The following SNX32 variants were observed in gnomAD, a reference collection of about 807,000 sequenced individuals.
SNX32 encodes the protein sorting nexin 32, also known as sorting nexin-32.
SNX32 carries 58 observed loss-of-function variants against 57.0 expected under a neutral mutation model. The observed-to-expected ratio is 1.02, with a 90% confidence interval of 0.82 to 1.27. The LOEUF is 1.27. Among genes scored for constraint, SNX32 ranks in the 50% most tolerant of loss-of-function variants. SNX32 has a pLI of 0.00. For synonymous variants in SNX32, 262 were observed against 220.4 expected, an observed-to-expected ratio of 1.19 and a Z score of -1.67; for missense variants, 589 against 541.2, an observed-to-expected ratio of 1.09 and a Z score of -0.88.
In SNX32 at chr11:65,852,556, G is replaced by A. The variant is rs1185680849; in HGVS notation, c.912+5G>A. The A allele has an allele frequency of 1.9e-6, 3 of 1,614,208 alleles. No individual in the cohort carries two copies. Among genetic ancestry groups the A allele is most frequent in the Admixed American group, 3.3e-5 (2 of 60,030 alleles). On this transcript the variant is annotated splice_donor_5th_base_variant and intron_variant, in intron 10 of 12. Coordinates refer to ENST00000308342, the MANE Select transcript of SNX32 (RefSeq NM_152760.3). ...CGTGACTCACAGGCAGCCAAGGTGAGAGGCAGCCCCAGCGCAGCGCTCAGG... is the reference window on the plus strand; with the variant it reads ...CGTGACTCACAGGCAGCCAAGGTGAAAGGCAGCCCCAGCGCAGCGCTCAGG...
At chr11:65,847,978 A>G (rs1859048882) in intron 1 of SNX32, among the ~76,000 whole-genome samples, 1 of 152,154 alleles carries the variant, frequency 6.6e-6, no homozygotes, top group Admixed American at 6.5e-5. Flanking sequence ...CTCAGGGTCA[A>G]TTCCTTCATG....
chr11:65,840,295 C>G (rs1445485662), intron 1 of SNX32, among the ~76,000 whole-genome samples: 1 of 151,768 alleles, frequency 6.6e-6, no homozygotes, highest in Non-Finnish European at 1.5e-5. Context: ...ATTAAGATAC[C>G]CTTGATTAAA....
Position 65,852,965 on chromosome 11 carries a change from C to T in SNX32, c.1158+7C>T. 6.2e-7 allele frequency: 1 copy of T among 1,613,900 alleles called. No homozygotes were observed. Among genetic ancestry groups the T allele is most frequent in the Non-Finnish European group, 8.5e-7 (1 of 1,179,864 alleles). The stretch of plus-strand genomic sequence containing the variant: ...GGAGCTCAAACACGCCAAGGTGAGC[C>T]CTCCCACCTCACTGGGCCCTTGTGA... On this transcript the variant is annotated splice_region_variant and intron_variant, in intron 12 of 12. Transcript: ENST00000308342.
intron 1 of SNX32, among the ~76,000 whole-genome samples, chr11:65,836,945 T>C (rs1245320730): frequency 6.6e-6 from 1 of 150,758 alleles, no homozygotes; most frequent in East Asian, 2.0e-4. Context: ...AAATACCTAA[T>C]GCATGTGGGG....
At chr11:65,841,341 A>T (rs1222467516) in intron 1 of SNX32, among the ~76,000 whole-genome samples, 2 of 150,914 alleles carry the variant, frequency 1.3e-5, no homozygotes, top group South Asian at 2.1e-4. Context: ...GGCTCAAGCG[A>T]TCCTCCTGCC....
chr11:65,852,603 G>A (rs1205776722), intron 10 of SNX32, 27 bp from the exon 11 acceptor site: 5 of 1,613,546 alleles, frequency 3.1e-6, no homozygotes, highest in Non-Finnish European at 4.2e-6. Context: ...GGACAGGGCA[G>A]CAGTGACCCT....
At chr11:65,850,946 C>A (rs1199266155) in intron 6 of SNX32, 91 bp downstream of exon 6, 2 of 1,490,216 alleles carry the variant, frequency 1.3e-6, no homozygotes, top group African/African-American at 2.8e-5. Flanking sequence ...AAGGAAGCCA[C>A]TGGTGGGGCC....
At chr11:65,849,036 C>G (rs140177962) in intron 1 of SNX32, among the ~76,000 whole-genome samples, 1 of 152,058 alleles carries the variant, frequency 6.6e-6, no homozygotes, top group African/African-American at 2.4e-5. Context: ...CCCAGCTACT[C>G]GGGAGGCTGA....
At chr11:65,853,088 G>T (rs1400017281) in intron 12 of SNX32, 130 bp downstream of exon 12, 2 of 1,271,546 alleles carry the variant, frequency 1.6e-6, no homozygotes, top group African/African-American at 2.9e-5. Flanking sequence ...TGCATGAGAG[G>T]AGCCCCAGCT....
intron 1 of SNX32, 72 bp downstream of exon 1, chr11:65,834,173 G>A: frequency 1.4e-6 from 2 of 1,449,464 alleles, no homozygotes; most frequent in East Asian, 5.0e-5. Context: ...CCAATCATGC[G>A]GTGGTGTGTG....
Position 65,849,950 on chromosome 11 carries a change from T to C in SNX32, c.172T>C (p.Phe58Leu). ...SCLPHFAQTE[F>L]SVVRQHEEFI... Reference sequence around the variant, plus strand: ...CCTCCCTCACTTCGCCCAGACCGAGTTCTCAGTCGTGCGGCAGCACGAGGA... The same window carrying C: ...CCTCCCTCACTTCGCCCAGACCGAGCTCTCAGTCGTGCGGCAGCACGAGGA... The change falls in exon 3 of 13, where the codon TTC becomes CTC. Residue 58 changes from phenylalanine (F) to leucine (L), a missense_variant. By Grantham distance (22) the Phe-to-Leu change is conservative. Transcript: ENST00000308342. The C allele has an allele frequency of 6.3e-7, 1 of 1,594,868 alleles. No individual in the cohort carries two copies. Among genetic ancestry groups the C allele is most frequent in the East Asian group, 2.2e-5 (1 of 44,508 alleles).
At chr11:65,852,219 T>A (rs1014013597) in intron 9 of SNX32, among the ~76,000 whole-genome samples, 2 of 152,004 alleles carry the variant, frequency 1.3e-5, no homozygotes, top group Non-Finnish European at 2.9e-5. Flanking sequence ...CCTGAACACA[T>A]AGCCGGGCTT....
intron 3 of SNX32, 42 bp from the exon 4 acceptor site, chr11:65,850,108 C>T (rs140115438): frequency 4.5e-5 from 72 of 1,614,174 alleles, no homozygotes; most frequent in African/African-American, 3.1e-4. Context: ...ATGGCCGTCT[C>T]GGCAGTGAGA....
At chr11:65,845,586 A>C (rs1324679005) in intron 1 of SNX32, among the ~76,000 whole-genome samples, 1 of 151,982 alleles carries the variant, frequency 6.6e-6, no homozygotes, top group Non-Finnish European at 1.5e-5. Context: ...AAAATGCAAA[A>C]AATTAGCCAG....
intron 1 of SNX32, among the ~76,000 whole-genome samples, chr11:65,842,325 T>C (rs1858862292): frequency 6.6e-6 from 1 of 152,174 alleles, no homozygotes; most frequent in South Asian, 2.1e-4. Flanking sequence ...CAATGAATCA[T>C]AACCCATACC....
At chr11:65,851,702 A>G (rs993060019) in intron 9 of SNX32, 23 bp downstream of exon 9, 3 of 1,613,470 alleles carry the variant, frequency 1.9e-6, no homozygotes, top group Admixed American at 1.7e-5. Context: ...TTCTGTGCTC[A>G]AAGGCTTTCC....
intron 1 of SNX32, among the ~76,000 whole-genome samples, chr11:65,835,262 A>T (rs913467692): frequency 2.0e-5 from 3 of 151,100 alleles, no homozygotes; most frequent in Non-Finnish European, 4.4e-5. Flanking sequence ...TTACAGATGG[A>T]AAGGGACCCG....
intron 1 of SNX32, among the ~76,000 whole-genome samples, chr11:65,840,132 G>A (rs1025167888): frequency 1.3e-5 from 2 of 152,002 alleles, no homozygotes; most frequent in East Asian, 3.9e-4. Flanking sequence ...TCCAGCCTGG[G>A]CAACAAGAGT....
intron 1 of SNX32, among the ~76,000 whole-genome samples, chr11:65,836,337 A>G (rs544427899): frequency 8.5e-5 from 13 of 152,208 alleles, no homozygotes; most frequent in African/African-American, 3.1e-4. Flanking sequence ...GAGGTCAGGA[A>G]TTCAAGACTA....
Sources: allele counts gnomAD v4.1 joint callset (sites outside exome capture counted in the v4.1 genomes callset), GRCh38; gene constraint gnomAD v4.1.1; transcripts MANE v1.5; gene names NCBI Gene and HGNC (gene_info 2026-07-23, HGNC 2026-07-21).